CELSR1: variants seen among roughly 807,000 people sequenced by gnomAD.
CELSR1 encodes the protein cadherin EGF LAG seven-pass G-type receptor 1, also known as adhesion G protein-coupled receptor C1.
A neutral mutation model predicts 249.1 loss-of-function variants in CELSR1; 110 were observed. That is an observed-to-expected ratio of 0.44 (90% confidence interval 0.38 to 0.52). The LOEUF is 0.52. Among genes scored for constraint, CELSR1 ranks in the 20% least tolerant of loss-of-function variants. The pLI is 0.00. For synonymous variants in CELSR1, 2,113 were observed against 1,900.0 expected (o/e 1.11, Z -2.92); for missense variants, 4,109 against 4,296.4 (o/e 0.96, Z 1.22).
chr22:46,365,560 G>A (rs2078759725), intron 31 of CELSR1, 26 bp downstream of exon 31: 3 of 1,567,928 alleles, frequency 1.9e-6, no homozygotes, highest in Non-Finnish European at 2.6e-6. Flanking sequence ...AACCCACGGG[G>A]TCCTCCCCCT....
In CELSR1 at chr22:46,390,218, C is replaced by T. The variant is rs1238652136; in HGVS notation, c.6345+174G>A. Among the ~76,000 whole-genome samples the T allele has an allele frequency of 6.6e-6, 1 of 152,172 alleles. No homozygotes were observed. The highest frequency in any genetic ancestry group is 1.5e-5 in the Non-Finnish European group (1 of 68,024). ...GTGCCTGGCTCAGGTGCCAACACCCCGAAGTCCACAGGAACCTGCTGGCTC... is the reference window on the plus strand; with the variant it reads ...GTGCCTGGCTCAGGTGCCAACACCCTGAAGTCCACAGGAACCTGCTGGCTC... On this transcript the variant is annotated intron_variant, in intron 17 of 34. Coordinates refer to ENST00000674500, the MANE Select transcript of CELSR1 (RefSeq NM_001378328.1). This position sits in a 1 kb window ranked among gnomAD's most constrained non-coding sequence, Gnocchi z 6.3.
chr22:46,533,093 C>A (rs561560811), intron 1 of CELSR1, among the ~76,000 whole-genome samples: 77 of 152,292 alleles, frequency 5.1e-4, no homozygotes, highest in African/African-American at 1.8e-3. Context: ...CACACCTAAG[C>A]CCGACTGTTA....
rs2079169947 is a variant in CELSR1, at chr22:46,398,037, G to C, written c.5527-189C>G. On this transcript the variant is annotated intron_variant, in intron 11 of 34. Coordinates refer to ENST00000674500, the MANE Select transcript of CELSR1 (RefSeq NM_001378328.1). This position sits in a 1 kb window ranked among gnomAD's most constrained non-coding sequence, Gnocchi z 7.2. ...GCTGGCCGGAGTGCAGTGGAGGGCT[G>C]GGTGAGGAGCTCAGAGGGCACGCCA... Among the ~76,000 whole-genome samples, 1 of 152,202 alleles carries C rather than the reference G, an allele frequency of 6.6e-6. No homozygotes were observed. The highest frequency in any genetic ancestry group is 2.4e-5 in the African/African-American group (1 of 41,464).
chr22:46,422,790 G>A (rs1165269390), intron 5 of CELSR1, among the ~76,000 whole-genome samples: 2 of 145,284 alleles, frequency 1.4e-5, no homozygotes, highest in Non-Finnish European at 3.0e-5. Flanking sequence ...ATGGCTCATA[G>A]TCCCATGACC....
intron 1 of CELSR1, among the ~76,000 whole-genome samples, chr22:46,507,721 C>T (rs760990): frequency 2.6e-5 from 4 of 152,222 alleles, no homozygotes; most frequent in African/African-American, 7.2e-5. Context: ...CTGTGCCGCC[C>T]GAAGCCCCGC....
chr22:46,432,667 G>A (rs185489184), intron 5 of CELSR1, among the ~76,000 whole-genome samples: 3 of 152,246 alleles, frequency 2.0e-5, no homozygotes, highest in Non-Finnish European at 4.4e-5. Flanking sequence ...CAGCCTTCAC[G>A]GCACTTCCTT....
At position 46,408,080 on chromosome 22, in the gene CELSR1, G is replaced by A. The variant is rs146398599; in HGVS notation, c.5226+916C>T. ...ACTGTTTCTCAAACAAAGTGTCTAC[G>A]GAGCATGGAAGATGCGAGCAGAAAC... is the stretch of plus-strand genomic sequence containing the variant. On this transcript the variant is annotated intron_variant, in intron 9 of 34. Transcript: ENST00000674500. This position sits in a 1 kb window ranked among gnomAD's most constrained non-coding sequence, Gnocchi z 4.6. Among the ~76,000 whole-genome samples, 1 of 152,246 alleles carries A rather than the reference G, an allele frequency of 6.6e-6. No homozygotes were observed. The highest frequency in any genetic ancestry group is 2.4e-5 in the African/African-American group (1 of 41,490).
In CELSR1 at chr22:46,432,360, A is replaced by G. The variant is rs558090900; in HGVS notation, c.4611+1033T>C. Among the ~76,000 whole-genome samples the G allele has an allele frequency of 7.2e-5, 11 of 152,300 alleles. 1 individual carries two copies. Among genetic ancestry groups the G allele is most frequent in the African/African-American group, 2.2e-4 (9 of 41,568 alleles). On this transcript the variant is annotated intron_variant, in intron 5 of 34. Coordinates refer to ENST00000674500, the MANE Select transcript of CELSR1 (RefSeq NM_001378328.1). ...GAAAGAAGGAAGATGCTCTCTCCATAGAAGGACTGGGTCGATTCTCCTGGA... is the reference window on the plus strand; with the variant it reads ...GAAAGAAGGAAGATGCTCTCTCCATGGAAGGACTGGGTCGATTCTCCTGGA...
chr22:46,528,575 C>A (rs4823845), intron 1 of CELSR1, among the ~76,000 whole-genome samples: 102,266 of 152,114 alleles, frequency 0.67, 35,580 homozygotes, highest in African/African-American at 0.86. Context: ...GTGGCCCGGC[C>A]ACAGATGACT....
At position 46,395,543 on chromosome 22, in the gene CELSR1, C is replaced by T. The variant is rs1169104005; in HGVS notation, c.5843+1062G>A. Among the ~76,000 whole-genome samples, 2 of 152,216 alleles carry T rather than the reference C, an allele frequency of 1.3e-5. No individual in the cohort carries two copies. Among genetic ancestry groups the T allele is most frequent in the Non-Finnish European group, 2.9e-5 (2 of 68,042 alleles). On this transcript the variant is annotated intron_variant, in intron 13 of 34. Coordinates refer to ENST00000674500, the MANE Select transcript of CELSR1 (RefSeq NM_001378328.1). The surrounding 1 kb of genome is among the most constrained non-coding windows in gnomAD (Gnocchi z 5.5). ...CCAGGGCACCTCCGCGGCGCTCTCC[C>T]TGGCATCACATCTTGCTGATATCCA...
At chr22:46,370,384 A>G in intron 25 of CELSR1, 1 of 319,090 alleles carries the variant, frequency 3.1e-6, no homozygotes, top group Non-Finnish European at 6.3e-6. Context: ...AGATATACAC[A>G]CACACCACAG....
chr22:46,493,416 G>T (rs572723481), intron 1 of CELSR1, among the ~76,000 whole-genome samples: 173 of 151,152 alleles, frequency 1.1e-3, no homozygotes, highest in African/African-American at 4.0e-3. Flanking sequence ...TGTGGTGGTG[G>T]GCACCTGTAA....
intron 3 of CELSR1, among the ~76,000 whole-genome samples, chr22:46,438,103 A>T (rs1458017872): frequency 6.6e-6 from 1 of 152,174 alleles, no homozygotes; most frequent in African/African-American, 2.4e-5. Context: ...GCAATAAAGA[A>T]GGGACCCAAA....
intron 1 of CELSR1, among the ~76,000 whole-genome samples, chr22:46,470,449 C>A (rs1392052092): frequency 6.6e-6 from 1 of 151,774 alleles, no homozygotes; most frequent in Non-Finnish European, 1.5e-5. Context: ...GAGAAACACC[C>A]CGGAACAAGG....
chr22:46,377,372 G>T, intron 23 of CELSR1, 111 bp from the exon 24 acceptor site: 1 of 1,219,020 alleles, frequency 8.2e-7, no homozygotes, highest in Non-Finnish European at 1.2e-6. Flanking sequence ...ATCAAGGCTG[G>T]CAGGATCAGG....
Position 46,464,455 on chromosome 22 carries a change from C to A in CELSR1, c.3545-110G>T. 1.7e-6 allele frequency: 2 copies of A among 1,157,914 alleles called. No homozygotes were observed. Among genetic ancestry groups the A allele is most frequent in the Non-Finnish European group, 2.4e-6 (2 of 828,642 alleles). 71.7% of individuals were successfully genotyped at this position (1,157,914 alleles called of 1,614,324 possible). On this transcript the variant is annotated intron_variant, in intron 1 of 34. Transcript: ENST00000674500. The surrounding 1 kb of genome is among the most constrained non-coding windows in gnomAD (Gnocchi z 8.5). ...CATGCTTGGCAAAGGAGAAGAGAGC[C>A]TGGGCATCCCCACTCCCCATTCCCC...
intron 20 of CELSR1, among the ~76,000 whole-genome samples, chr22:46,384,025 C>T (rs988636468): frequency 3.3e-5 from 5 of 152,122 alleles, no homozygotes; most frequent in African/African-American, 4.8e-5. Context: ...ACCTCTGCCT[C>T]GTGGGCTCAA....
At chr22:46,378,838 G>A in intron 22 of CELSR1, 121 bp from the exon 23 acceptor site, 1 of 1,294,492 alleles carries the variant, frequency 7.7e-7, no homozygotes, top group Non-Finnish European at 1.0e-6. Flanking sequence ...CCAAACAGCA[G>A]GTGCCGTGAG....
At chr22:46,368,236 A>T (rs1374644898) in intron 27 of CELSR1, among the ~76,000 whole-genome samples, 1 of 152,134 alleles carries the variant, frequency 6.6e-6, no homozygotes, top group Non-Finnish European at 1.5e-5. Flanking sequence ...GTGACCCTGC[A>T]ATCAGCTTCC....
Sources: gnomAD v4.1 joint callset for allele counts (sites outside exome capture counted in the v4.1 genomes callset) on GRCh38, gnomAD v4.1.1 for gene constraint, Gnocchi (gnomAD v3.1) non-coding constraint, MANE v1.5 for transcripts, NCBI Gene and HGNC (gene_info 2026-07-23, HGNC 2026-07-21) for gene names.